Variants in DTD1 observed in about 807,000 individuals in gnomAD.
DTD1 encodes D-aminoacyl-tRNA deacylase 1, also known as D-tyrosyl-tRNA deacylase 1 homolog.
DTD1 carries 13 observed loss-of-function variants against 25.6 expected under a neutral mutation model. The observed-to-expected ratio is 0.51, with a 90% CI of 0.33 to 0.81. The LOEUF is 0.81. Ranked by LOEUF, DTD1 falls within the 30% of genes least tolerant of loss-of-function variation. DTD1 has a pLI of 0.02. For missense variants in DTD1, 193 were observed against 266.4 expected (o/e 0.72, Z 1.92); for synonymous variants, 110 against 103.6 (o/e 1.06, Z -0.37).
intron 3 of DTD1, 55 bp downstream of exon 3, chr20:18,596,296 A>G: frequency 6.9e-7 from 1 of 1,446,246 alleles, no homozygotes; most frequent in Non-Finnish European, 9.5e-7. Context: ...CTGGATGGAG[A>G]GAAAAAAGAA....
chr20:18,711,156 C>T (rs1293291020), intron 4 of DTD1, among the ~76,000 whole-genome samples: 1 of 152,272 alleles, frequency 6.6e-6, no homozygotes, highest in Non-Finnish European at 1.5e-5. Flanking sequence ...TGTGTGAGCG[C>T]AGGTGTTGTA....
At chr20:18,659,593 A>G (rs980711844) in intron 4 of DTD1, among the ~76,000 whole-genome samples, 1 of 152,194 alleles carries the variant, frequency 6.6e-6, no homozygotes, top group Non-Finnish European at 1.5e-5. Context: ...ATGAGTTTAT[A>G]TTCTTTGGAG....
At chr20:18,736,206 T>C (rs2061254434) in intron 4 of DTD1, among the ~76,000 whole-genome samples, 1 of 152,126 alleles carries the variant, frequency 6.6e-6, no homozygotes, top group South Asian at 2.1e-4. Flanking sequence ...ATGGGGGTGA[T>C]GGCAACAGCA....
rs571992594 is a variant in DTD1 at position 18,755,928 on chromosome 20, C to G, written c.*20-7432C>G. Among the ~76,000 whole-genome samples, 4 of 152,260 alleles carry G rather than the reference C, an allele frequency of 2.6e-5. No individual in the cohort carries two copies. In the South Asian group the frequency reaches 8.3e-4, roughly 32 times the overall value. ...CCTATTTCTCCACATCCTCTCCAGC[C>G]CCTGTCGTTTCCTGACTTTTGAATG... On this transcript the variant is annotated intron_variant, in intron 5 of 5. Coordinates refer to ENST00000377452, the MANE Select transcript of DTD1 (RefSeq NM_080820.6).
At chr20:18,758,176 G>A (rs1421676794) in intron 5 of DTD1, among the ~76,000 whole-genome samples, 1 of 151,698 alleles carries the variant, frequency 6.6e-6, no homozygotes, top group African/African-American at 2.4e-5. Context: ...TTCTTTATTA[G>A]TCTTGCTAGC....
At chr20:18,646,000 A>G (rs568876437) in intron 4 of DTD1, among the ~76,000 whole-genome samples, 1 of 152,336 alleles carries the variant, frequency 6.6e-6, no homozygotes, top group South Asian at 2.1e-4. Flanking sequence ...TTGGCATTTG[A>G]AATGAGGTCA....
Position 18,596,225 on chromosome 20 carries a change from G to C in DTD1, c.354G>C (p.Arg118Ser). 6.2e-7 allele frequency: 1 copy of C among 1,613,946 alleles called. No individual in the cohort carries two copies. The highest frequency in any genetic ancestry group is 1.3e-5 in the African/African-American group (1 of 75,054). The part of the protein sequence containing the change: ...SFLEQLRKTY[R>S]PELIKDGKFG... ...TGGAGCAGCTGCGTAAAACATACAG[G>C]CCGGAGCTTATCAAAGGTAAGCAGG... Residue 118 changes from arginine (R) to serine (S), a missense_variant, in exon 3 of 6, where the codon AGG becomes AGC. Transcript: ENST00000377452.
intron 5 of DTD1, among the ~76,000 whole-genome samples, chr20:18,758,506 C>T (rs1219502590): frequency 6.6e-6 from 1 of 152,168 alleles, no homozygotes; most frequent in Non-Finnish European, 1.5e-5. Context: ...AACATCTTTA[C>T]TTCTGCCTTC....
chr20:18,708,503 G>A (rs1419706753), intron 4 of DTD1, among the ~76,000 whole-genome samples: 3 of 147,792 alleles, frequency 2.0e-5, no homozygotes, highest in Non-Finnish European at 4.5e-5. Flanking sequence ...TTACAGCCAC[G>A]CACAACCACA....
At chr20:18,594,550 C>T (rs748235367) in intron 2 of DTD1, among the ~76,000 whole-genome samples, 3 of 152,178 alleles carry the variant, frequency 2.0e-5, no homozygotes, top group Non-Finnish European at 4.4e-5. Context: ...TCCTCCCCTC[C>T]ATTACCACGG....
At chr20:18,725,722 C>T (rs573650369) in intron 4 of DTD1, among the ~76,000 whole-genome samples, 1 of 152,328 alleles carries the variant, frequency 6.6e-6, no homozygotes, top group East Asian at 1.9e-4. Context: ...CTTACAGAGG[C>T]TCACATCTCT....
intron 3 of DTD1, among the ~76,000 whole-genome samples, chr20:18,627,035 C>T (rs78777216): frequency 0.069 from 10,555 of 152,224 alleles, 609 homozygotes; most frequent in East Asian, 0.26. Flanking sequence ...TTGATTTGAA[C>T]GGCCACTTTA....
chr20:18,712,715 G>T (rs2061164009), intron 4 of DTD1, among the ~76,000 whole-genome samples: 1 of 152,158 alleles, frequency 6.6e-6, no homozygotes, highest in Non-Finnish European at 1.5e-5. Context: ...ACATATTTGG[G>T]ATCCACAAGC....
intron 4 of DTD1, among the ~76,000 whole-genome samples, chr20:18,705,570 C>T (rs578106753): frequency 6.6e-6 from 1 of 152,128 alleles, no homozygotes; most frequent in Non-Finnish European, 1.5e-5. Flanking sequence ...TGCCTTTACT[C>T]CTGTGCTTTC....
At chr20:18,628,066 GC>G (rs1334181986) in intron 3 of DTD1, 60 bp from the exon 4 acceptor site, 1 of 1,364,928 alleles carries the variant, frequency 7.3e-7, no homozygotes, top group Non-Finnish European at 1.0e-6. Flanking sequence ...AATACAGTGT[GC>G]TTTTGGATGG....
intron 4 of DTD1, among the ~76,000 whole-genome samples, chr20:18,709,615 G>A (rs184625379): frequency 1.1e-4 from 16 of 152,290 alleles, no homozygotes; most frequent in African/African-American, 3.6e-4. Context: ...AGGGCAATTG[G>A]GGGGACAGAA....
intron 4 of DTD1, among the ~76,000 whole-genome samples, chr20:18,722,296 A>T (rs960003640): frequency 6.6e-6 from 1 of 152,194 alleles, no homozygotes; most frequent in Non-Finnish European, 1.5e-5. Context: ...GGCACTCAGC[A>T]TTGTGCACAA....
intron 3 of DTD1, among the ~76,000 whole-genome samples, chr20:18,617,652 C>T (rs1211684339): frequency 2.0e-5 from 3 of 152,090 alleles, no homozygotes; most frequent in South Asian, 2.1e-4. Context: ...TGCTCTCATT[C>T]GTGTCTCTGT....
chr20:18,759,205 G>T (rs966968176), intron 5 of DTD1, among the ~76,000 whole-genome samples: 14 of 152,168 alleles, frequency 9.2e-5, no homozygotes, highest in African/African-American at 3.4e-4. Flanking sequence ...GCCAGTCTGT[G>T]TCTTTGAATT....
Sources: gnomAD v4.1 joint callset for allele counts (sites outside exome capture counted in the v4.1 genomes callset) on GRCh38, gnomAD v4.1.1 for gene constraint, MANE v1.5 for transcripts, NCBI Gene and HGNC (gene_info 2026-07-23, HGNC 2026-07-21) for gene names.